The following ZMYM6 variants were observed in gnomAD, a reference collection of about 807,000 sequenced individuals.
ZMYM6 encodes the protein zinc finger MYM-type protein 6.
In ZMYM6, 90 loss-of-function variants were observed where a neutral mutation model predicts 134.0. The observed-to-expected ratio is 0.67, with a 90% CI of 0.57 to 0.80. ZMYM6 has a LOEUF of 0.80. Among genes scored for constraint, ZMYM6 ranks in the 30% least tolerant of loss-of-function variants. The probability of loss-of-function intolerance (pLI) is 0.00; values close to 1 mark genes in which losing one functional copy is unlikely to be tolerated. For synonymous variants in ZMYM6, 481 were observed against 524.1 expected (o/e 0.92, Z 1.12); for missense variants, 1,362 against 1,533.9 (o/e 0.89, Z 1.87).
chr1:35,005,742 A>C (rs1438025213), intron 12 of ZMYM6, among the ~76,000 whole-genome samples: 1 of 152,134 alleles, frequency 6.6e-6, no homozygotes, highest in Admixed American at 6.5e-5. Context: ...AAAACTTAAC[A>C]TGACAATTTT....
intron 14 of ZMYM6, among the ~76,000 whole-genome samples, chr1:35,002,896 GC>G (rs1429905635): frequency 1.3e-5 from 2 of 152,084 alleles, no homozygotes; most frequent in Non-Finnish European, 2.9e-5. Context: ...CACAAGCTGG[GC>G]ACCATCGGCT....
intron 14 of ZMYM6, among the ~76,000 whole-genome samples, chr1:34,996,335 T>C (rs1640784048): frequency 6.6e-6 from 1 of 152,234 alleles, no homozygotes; most frequent in Non-Finnish European, 1.5e-5. Context: ...GTCCCTCTTC[T>C]GTGAACTCTC....
At chr1:35,007,360 G>A (rs111411052) in intron 11 of ZMYM6, among the ~76,000 whole-genome samples, 8,600 of 152,162 alleles carry the variant, frequency 0.057, 711 homozygotes, top group African/African-American at 0.19. Flanking sequence ...GGAGGCCGAG[G>A]TGGGCGGATC....
In ZMYM6 at chr1:35,011,884, T is replaced by A. The variant is rs752800963; in HGVS notation, c.1062+6A>T. On this transcript the variant is annotated splice_donor_region_variant and intron_variant, in intron 8 of 15. Coordinates refer to ENST00000357182, the MANE Select transcript of ZMYM6 (RefSeq NM_007167.4). ...CACATGCATAATGTGCTACCTTAGA[T>A]CATACCTGGAAAGCAACCACACAAC... The A allele has an allele frequency of 1.9e-6, 3 of 1,586,174 alleles. No individual in the cohort carries two copies. The highest frequency in any genetic ancestry group is 2.6e-6 in the Non-Finnish European group (3 of 1,161,592).
rs146491116 is a variant in ZMYM6 at position 34,991,631 on chromosome 1, A to G, written c.2146+603T>C. On this transcript the variant is annotated intron_variant, in intron 15 of 15. Coordinates refer to ENST00000357182, the MANE Select transcript of ZMYM6 (RefSeq NM_007167.4). ...CTAAAAATACAAAAATTAGCCGGGC[A>G]TGGTGGCAGGCACCTGTAATCCCAG... 2.7e-3 allele frequency among the ~76,000 whole-genome samples: 410 copies of G among 152,184 alleles called. 11 individuals are homozygous for G. The East Asian group carries it at 0.066, about 25-fold the overall frequency.
chr1:34,987,238 A>C lies in ZMYM6; in HGVS notation c.3844T>G (p.Tyr1282Asp). 1.2e-6 allele frequency: 2 copies of C among 1,613,730 alleles called. No homozygotes were observed. The highest frequency in any genetic ancestry group is 1.7e-6 in the Non-Finnish European group (2 of 1,179,920). Residue 1282 changes from tyrosine (Y) to aspartate (D), a missense_variant, in exon 16 of 16, where the codon TAT becomes GAT. By Grantham distance (160) the Tyr-to-Asp change is radical. Transcript: ENST00000357182. ...MKFLLPFSTVYLCDAAFSALT... is the reference protein window; with the variant it reads ...MKFLLPFSTVDLCDAAFSALT... ...GCTGAAAAGGCAGCATCACATAAAT[A>C]AACAGTTGAAAAGGGTAATAAAAAT...
intron 11 of ZMYM6, among the ~76,000 whole-genome samples, chr1:35,007,797 T>C (rs576597661): frequency 1.5e-4 from 23 of 150,856 alleles, no homozygotes; most frequent in African/African-American, 5.4e-4. Context: ...GCCTGAGCAA[T>C]AGAACAAGAT....
rs1640576422 is a variant in ZMYM6, at chr1:34,986,261, T to G, written c.*843A>C. The G allele has an allele frequency of 1.3e-5, 2 of 151,430 alleles. No individual in the cohort carries two copies. The highest frequency in any genetic ancestry group is 4.8e-5 in the African/African-American group (2 of 41,412). 9.4% of individuals were successfully genotyped at this position (151,430 alleles called of 1,614,324 possible). ...GCACTGCAACTGCAGAATTGAGTAG[T>G]TGTGACAGTATGGCCTGCAAAGCTG... On this transcript the variant is annotated 3_prime_UTR_variant, in exon 16 of 16. Coordinates refer to ENST00000357182, the MANE Select transcript of ZMYM6 (RefSeq NM_007167.4).
At chr1:35,010,317 G>T in intron 10 of ZMYM6, 130 bp downstream of exon 10, 1 of 1,223,954 alleles carries the variant, frequency 8.2e-7, no homozygotes, top group Non-Finnish European at 1.1e-6. Flanking sequence ...CTCCATGCCC[G>T]GCCTCCAAAA....
intron 6 of ZMYM6, among the ~76,000 whole-genome samples, chr1:35,013,985 G>A (rs572697271): frequency 3.3e-5 from 5 of 152,018 alleles, no homozygotes; most frequent in Non-Finnish European, 5.9e-5. Context: ...CCACCGCGCC[G>A]GCCTTACAAG....
chr1:35,020,676 G>A (rs1219862217), intron 2 of ZMYM6, among the ~76,000 whole-genome samples: 8 of 150,062 alleles, frequency 5.3e-5, no homozygotes, highest in Non-Finnish European at 1.0e-4. Flanking sequence ...AGGTTCAAGC[G>A]ATTCTTCTGC....
At position 34,987,487 on chromosome 1, in the gene ZMYM6, T is replaced by A. The variant is rs916078921; in HGVS notation, c.3595A>T (p.Ser1199Cys). 1.2e-6 allele frequency: 2 copies of A among 1,613,382 alleles called. No individual in the cohort carries two copies. The highest frequency in any genetic ancestry group is 3.3e-5 in the Admixed American group (2 of 59,934). Residue 1199 changes from serine (S) to cysteine (C), a missense_variant, in exon 16 of 16, where the codon AGT becomes TGT. Ser to Cys is a moderately radical substitution (Grantham distance 112, BLOSUM62 -1). This residue lies in a region of ZMYM6 where 824 missense variants were observed against 940.9 expected (regional missense o/e 0.88). Transcript: ENST00000357182. ...EHLEGLSQVF[S>C]DCFPPEQDLR... is the part of the protein sequence containing the mutation. ...TCTTGTTCTGGTGGAAAACAGTCAC[T>A]GAACACTTGAGAAAGTCCTTCCAGG...
chr1:34,988,717 A>C lies in ZMYM6; in HGVS notation c.2365T>G (p.Leu789Val). 1 of 1,551,322 alleles carries C rather than the reference A, an allele frequency of 6.4e-7. No individual in the cohort carries two copies. Among genetic ancestry groups the C allele is most frequent in the East Asian group, 2.4e-5 (1 of 40,894 alleles). The stretch of plus-strand genomic sequence containing the variant: ...TCTAATTCTGAATGTTTTGTCTTCA[A>C]ATGATGAGAAAGATTTGCTGGCTTC... ...NMKPANLSHH[L>V]KTKHSELENK... is the part of the protein sequence containing the mutation. Residue 789 changes from leucine (L) to valine (V), a missense_variant, in exon 16 of 16, where the codon TTG becomes GTG. By Grantham distance (32) the Leu-to-Val change is conservative. This residue lies in a region of ZMYM6 where 824 missense variants were observed against 940.9 expected (regional missense o/e 0.88). Transcript: ENST00000357182.
At chr1:34,990,795 T>C (rs902621272) in intron 15 of ZMYM6, among the ~76,000 whole-genome samples, 2 of 152,226 alleles carry the variant, frequency 1.3e-5, no homozygotes, top group African/African-American at 2.4e-5. Flanking sequence ...TAAATTTATA[T>C]TGTTGTGGAA....
chr1:34,992,170 AAAAAAC>A, intron 15 of ZMYM6, 58 bp downstream of exon 15: 1 of 1,604,196 alleles, frequency 6.2e-7, no homozygotes, highest in South Asian at 1.1e-5. Context: ...TTCCTTTCTT[AAAAAAC>A]AAAAACAAAC....
intron 2 of ZMYM6, among the ~76,000 whole-genome samples, chr1:35,022,984 A>G (rs1388298001): frequency 6.6e-6 from 1 of 152,186 alleles, no homozygotes; most frequent in Non-Finnish European, 1.5e-5. Context: ...AATAAAGATA[A>G]TATTACCTAA....
intron 2 of ZMYM6, among the ~76,000 whole-genome samples, chr1:35,022,815 G>C (rs1641334690): frequency 6.6e-6 from 1 of 151,988 alleles, no homozygotes; most frequent in South Asian, 2.1e-4. Context: ...CATCCATTAT[G>C]GACAATACCT....
At chr1:35,012,244 G>A (rs1641100627) in intron 7 of ZMYM6, among the ~76,000 whole-genome samples, 187 bp downstream of exon 7, 1 of 152,144 alleles carries the variant, frequency 6.6e-6, no homozygotes, top group African/African-American at 2.4e-5. Flanking sequence ...ATAAAATACT[G>A]TATATATTGC....
intron 11 of ZMYM6, among the ~76,000 whole-genome samples, chr1:35,008,449 G>A (rs940236639): frequency 3.3e-5 from 5 of 152,194 alleles, no homozygotes; most frequent in African/African-American, 1.2e-4. Flanking sequence ...GAATGAGAGA[G>A]CCACTTCAGG....
Sources: gnomAD v4.1 joint callset for allele counts (sites outside exome capture counted in the v4.1 genomes callset) on GRCh38, gnomAD v4.1.1 for gene constraint, gnomAD v4.1.1 regional missense constraint, MANE v1.5 for transcripts, NCBI Gene and HGNC (gene_info 2026-07-23, HGNC 2026-07-21) for gene names.